Variants in CRYL1 observed in about 807,000 individuals in gnomAD.
The protein encoded by CRYL1 is crystallin lambda 1.
CRYL1 carries 29 observed loss-of-function variants against 36.6 expected under a neutral mutation model. That is an observed-to-expected ratio of 0.79 (90% CI 0.59 to 1.08). The LOEUF is 1.08. Ranked by LOEUF, CRYL1 falls within the 50% of genes least tolerant of loss-of-function variation. The probability of loss-of-function intolerance (pLI) is 0.00; values close to 1 mark genes in which losing one functional copy is unlikely to be tolerated. For missense variants in CRYL1, 411 were observed against 407.9 expected (o/e 1.01, Z -0.06); for synonymous variants, 152 against 151.5 (o/e 1.00, Z -0.02).
chr13:20,457,617 C>T (rs763879496), intron 3 of CRYL1, among the ~76,000 whole-genome samples: 5 of 152,146 alleles, frequency 3.3e-5, no homozygotes, highest in East Asian at 1.9e-4. Context: ...AAAAACAATA[C>T]GACAATAGCA....
chr13:20,483,189 G>A (rs1045639257), intron 3 of CRYL1, among the ~76,000 whole-genome samples: 3 of 152,100 alleles, frequency 2.0e-5, no homozygotes, highest in Non-Finnish European at 2.9e-5. Flanking sequence ...GATTTATAGT[G>A]TTCCCAACAC....
At chr13:20,489,574 C>A in intron 2 of CRYL1, 78 bp from the exon 3 acceptor site, 1 of 1,559,684 alleles carries the variant, frequency 6.4e-7, no homozygotes, top group Non-Finnish European at 8.7e-7. Context: ...CATCAGGAAT[C>A]ATCAGGGAAA....
intron 2 of CRYL1, among the ~76,000 whole-genome samples, chr13:20,491,176 G>A (rs1343194644): frequency 6.6e-6 from 1 of 152,024 alleles, no homozygotes; most frequent in Non-Finnish European, 1.5e-5. Context: ...CAAAGTGCTG[G>A]GATTATAAGC....
rs145677456 is a variant in CRYL1 at position 20,407,415 on chromosome 13, A to G, written c.740-2674T>C. On this transcript the variant is annotated intron_variant, in intron 6 of 7. Transcript: ENST00000298248. ...CTTATGACTGTGACTGTTATTTGCA[A>G]CTCCTCCCCTTCCATTTTAGGGAGG... Among the ~76,000 whole-genome samples, 359 of 151,512 alleles carry G rather than the reference A, an allele frequency of 2.4e-3. 2 individuals carry two copies. The highest frequency in any genetic ancestry group is 7.7e-3 in the African/African-American group (318 of 41,262).
chr13:20,446,908 A>G (rs933703087), intron 3 of CRYL1, among the ~76,000 whole-genome samples: 12 of 152,256 alleles, frequency 7.9e-5, no homozygotes, highest in African/African-American at 2.9e-4. Flanking sequence ...ACTGAAAAAG[A>G]AAAGAGCCCT....
intron 6 of CRYL1, among the ~76,000 whole-genome samples, chr13:20,407,348 G>A (rs373887665): frequency 6.6e-6 from 1 of 151,862 alleles, no homozygotes. Context: ...TTAGACTCAC[G>A]ACCTGCATCT....
chr13:20,521,179 A>G (rs1224608868), intron 1 of CRYL1, among the ~76,000 whole-genome samples: 1 of 151,802 alleles, frequency 6.6e-6, no homozygotes, highest in Non-Finnish European at 1.5e-5. Context: ...CGAAAAAAAG[A>G]AAGAAAGAAA....
chr13:20,523,132 G>T (rs1024514064), intron 1 of CRYL1, among the ~76,000 whole-genome samples: 2 of 151,964 alleles, frequency 1.3e-5, no homozygotes, highest in African/African-American at 4.8e-5. Context: ...GGCCAGACTG[G>T]TCTCGAACCC....
intron 2 of CRYL1, among the ~76,000 whole-genome samples, chr13:20,511,197 GC>G (rs1232694123): frequency 6.6e-6 from 1 of 152,026 alleles, no homozygotes; most frequent in Non-Finnish European, 1.5e-5. Flanking sequence ...CAATCCTTCT[GC>G]CTCAGCCTCC....
At chr13:20,446,094 T>C (rs561653673) in intron 3 of CRYL1, among the ~76,000 whole-genome samples, 1 of 151,600 alleles carries the variant, frequency 6.6e-6, no homozygotes, top group Non-Finnish European at 1.5e-5. Flanking sequence ...TTTCAGTAGA[T>C]TTTTTTTAAT....
rs1296980847 is a variant in CRYL1 at position 20,415,463 on chromosome 13, C to G, written c.634-2076G>C. Among the ~76,000 whole-genome samples the G allele has an allele frequency of 2.0e-5, 3 of 152,186 alleles. No homozygotes were observed. The highest frequency in any genetic ancestry group is 4.8e-5 in the African/African-American group (2 of 41,456). On this transcript the variant is annotated intron_variant, in intron 5 of 7. Transcript: ENST00000298248. The surrounding 1 kb of genome is among the most constrained non-coding windows in gnomAD (Gnocchi z 4.1). The stretch of plus-strand genomic sequence containing the variant: ...CACCGCCCTGCGTCTGCAGAGAGCG[C>G]GGCGGTGAAGCGGGAGCAGGCGGCC...
rs1474501538 is a variant in CRYL1 at position 20,439,749 on chromosome 13, A to G, written c.282T>C (p.Cys94=). The G allele has an allele frequency of 1.2e-6, 2 of 1,613,800 alleles. No homozygotes were observed. The change falls in exon 4 of 8, where the codon TGT becomes TGC. Residue 94 remains cysteine, a synonymous_variant. Coordinates refer to ENST00000298248, the MANE Select transcript of CRYL1 (RefSeq NM_015974.3). ...TCTTCAGTTCTAGATCTTCTGGAAC[A>G]CATTCCTGAAAAGGACACGTTTAAA... ...AVEGAMHIQE[C]VPEDLELKKK... is the part of the protein sequence containing the mutation.
At chr13:20,508,925 T>C (rs969326734) in intron 2 of CRYL1, among the ~76,000 whole-genome samples, 1 of 140,342 alleles carries the variant, frequency 7.1e-6, no homozygotes, top group African/African-American at 2.7e-5. Flanking sequence ...GCTCAGTGGC[T>C]CACACCTATA....
At chr13:20,459,184 C>G (rs2032752732) in intron 3 of CRYL1, among the ~76,000 whole-genome samples, 2 of 139,618 alleles carry the variant, frequency 1.4e-5, no homozygotes, top group Admixed American at 8.3e-5. Flanking sequence ...TGCAGTAAGC[C>G]GAGTTCACGC....
intron 3 of CRYL1, chr13:20,473,203 C>T (rs758977076): frequency 3.3e-5 from 5 of 152,376 alleles, no homozygotes; most frequent in South Asian, 2.1e-4. Context: ...CCACTTACAG[C>T]GTAAACAGTA....
At chr13:20,450,522 T>C (rs1410985994) in intron 3 of CRYL1, among the ~76,000 whole-genome samples, 1 of 152,174 alleles carries the variant, frequency 6.6e-6, no homozygotes, top group Non-Finnish European at 1.5e-5. Flanking sequence ...ATTCTGAACA[T>C]TAGCCTTTGG....
At chr13:20,522,004 A>G (rs1277814814) in intron 1 of CRYL1, among the ~76,000 whole-genome samples, 1 of 152,158 alleles carries the variant, frequency 6.6e-6, no homozygotes, top group Admixed American at 6.6e-5. Context: ...TTAGCAGGAA[A>G]ATACCTAGAA....
At chr13:20,436,875 G>A (rs1253685707) in intron 4 of CRYL1, among the ~76,000 whole-genome samples, 1 of 151,872 alleles carries the variant, frequency 6.6e-6, no homozygotes, top group African/African-American at 2.4e-5. Flanking sequence ...AGCAGGGACT[G>A]GGGGCTGCAG....
At position 20,525,712 on chromosome 13, in the gene CRYL1, C is replaced by G; in HGVS notation, c.41+42G>C. On this transcript the variant is annotated intron_variant, in intron 1 of 7. Coordinates refer to ENST00000298248, the MANE Select transcript of CRYL1 (RefSeq NM_015974.3). The surrounding 1 kb of genome is among the most constrained non-coding windows in gnomAD (Gnocchi z 4.3). ...CGAGGGCACCACGTCCCCGGCGTCT[C>G]CCCGGGCTCCAGGGGCAGCAGCGCG... The G allele has an allele frequency of 7.5e-7, 1 of 1,335,264 alleles. No homozygotes were observed. The highest frequency in any genetic ancestry group is 3.2e-5 in the East Asian group (1 of 31,338). 82.7% of individuals were successfully genotyped at this position (1,335,264 alleles called of 1,614,324 possible).
Sources: allele counts gnomAD v4.1 joint callset (sites outside exome capture counted in the v4.1 genomes callset), GRCh38; gene constraint gnomAD v4.1.1; non-coding constraint Gnocchi (gnomAD v3.1); transcripts MANE v1.5; gene names NCBI Gene and HGNC (gene_info 2026-07-23, HGNC 2026-07-21).